Variants in GABBR2 observed in about 807,000 individuals in gnomAD.
The protein encoded by GABBR2 is gamma-aminobutyric acid type B receptor subunit 2.
A neutral mutation model predicts 105.6 loss-of-function variants in GABBR2; 23 were observed. The ratio of observed to expected loss-of-function variants is 0.22; its 90% CI spans 0.16 to 0.31. The LOEUF is 0.31. GABBR2 is among the 10% of genes least tolerant of loss of function. GABBR2 has a pLI of 1.00. For missense variants in GABBR2, 734 were observed against 1,245.5 expected (o/e 0.59, Z 6.18); for synonymous variants, 478 against 499.7 (o/e 0.96, Z 0.58).
chr9:98,388,835 G>A lies in GABBR2; in HGVS notation c.1529+19C>T, dbSNP rs757422808. 3.7e-6 allele frequency: 6 copies of A among 1,603,026 alleles called. No homozygotes were observed. In the Admixed American group the frequency reaches 1.0e-4, roughly 27 times the overall value. ...CAATTTAGAAAGTGATATCACAGAG[G>A]AGGACCAGGGTGGCTTACTTCTGAT... On this transcript the variant is annotated intron_variant, in intron 10 of 18. Coordinates refer to ENST00000259455, the MANE Select transcript of GABBR2 (RefSeq NM_005458.8). The surrounding 1 kb of genome is among the most constrained non-coding windows in gnomAD (Gnocchi z 4.4).
chr9:98,439,583 G>C (rs556515544), intron 7 of GABBR2, among the ~76,000 whole-genome samples: 20 of 152,312 alleles, frequency 1.3e-4, no homozygotes, highest in Middle Eastern at 3.4e-3. Flanking sequence ...TATACATGAT[G>C]AATATGAATA....
At chr9:98,407,677 GC>G (rs1229656891) in intron 7 of GABBR2, among the ~76,000 whole-genome samples, 1 of 152,050 alleles carries the variant, frequency 6.6e-6, no homozygotes, top group Non-Finnish European at 1.5e-5. Flanking sequence ...CCAATCTTCT[GC>G]CAAGCTTTGA....
intron 1 of GABBR2, among the ~76,000 whole-genome samples, chr9:98,593,769 G>A (rs1257562619): frequency 6.6e-6 from 1 of 152,146 alleles, no homozygotes; most frequent in Non-Finnish European, 1.5e-5. Flanking sequence ...AGATGAAGGG[G>A]GGCTGTAGGG....
chr9:98,334,931 T>G (rs1831087666), intron 13 of GABBR2, among the ~76,000 whole-genome samples: 1 of 152,150 alleles, frequency 6.6e-6, no homozygotes. Flanking sequence ...CGAGCCACCA[T>G]GAGTGCTGAG....
chr9:98,628,789 G>T (rs1829779294), intron 1 of GABBR2, among the ~76,000 whole-genome samples: 1 of 152,104 alleles, frequency 6.6e-6, no homozygotes. Flanking sequence ...GATGGAGTGT[G>T]TGTCCCCCTC....
intron 1 of GABBR2, among the ~76,000 whole-genome samples, chr9:98,680,090 A>C (rs1588280567): frequency 6.6e-6 from 1 of 152,196 alleles, no homozygotes. Flanking sequence ...CCTAGCAATG[A>C]GTGAGGGAAA....
rs1285931301 is a variant in GABBR2, at chr9:98,454,745, G to C, written c.1000-528C>G. ...CAGCAGCACAGAGGGAGCTGACAGT[G>C]TGCTGCTCAGCCCACCCCTCCCCTT... On this transcript the variant is annotated intron_variant, in intron 6 of 18. Coordinates refer to ENST00000259455, the MANE Select transcript of GABBR2 (RefSeq NM_005458.8). This position sits in a 1 kb window ranked among gnomAD's most constrained non-coding sequence, Gnocchi z 4.6. Among the ~76,000 whole-genome samples, 3 of 152,118 alleles carry C rather than the reference G, an allele frequency of 2.0e-5. No individual in the cohort carries two copies. Among genetic ancestry groups the C allele is most frequent in the African/African-American group, 7.2e-5 (3 of 41,414 alleles).
intron 1 of GABBR2, among the ~76,000 whole-genome samples, chr9:98,650,675 A>C (rs1830091569): frequency 6.6e-6 from 1 of 152,336 alleles, no homozygotes; most frequent in Middle Eastern, 3.4e-3. Flanking sequence ...CAAGAGGGGG[A>C]GGCAACCTAC....
At position 98,299,847 on chromosome 9, in the gene GABBR2, A is replaced by T. The variant is rs1344614920; in HGVS notation, c.2413-494T>A. 3.3e-5 allele frequency among the ~76,000 whole-genome samples: 5 copies of T among 152,260 alleles called. No homozygotes were observed. In the East Asian group the frequency reaches 9.6e-4, roughly 29 times the overall value. On this transcript the variant is annotated intron_variant, in intron 16 of 18. Transcript: ENST00000259455. ...TTTAGCCCAGTGTCTGAAACATAATAAGGGCAACTTGCTACTATAATAATA... is the reference window on the plus strand; with the variant it reads ...TTTAGCCCAGTGTCTGAAACATAATTAGGGCAACTTGCTACTATAATAATA...
At chr9:98,560,965 T>C (rs570289450) in intron 2 of GABBR2, among the ~76,000 whole-genome samples, 61 of 152,064 alleles carry the variant, frequency 4.0e-4, no homozygotes, top group African/African-American at 1.4e-3. Context: ...ATCACAGTTA[T>C]GAAAACGAAC....
intron 16 of GABBR2, among the ~76,000 whole-genome samples, chr9:98,300,777 T>C (rs1830456338): frequency 6.6e-6 from 1 of 152,188 alleles, no homozygotes; most frequent in South Asian, 2.1e-4. Flanking sequence ...AAGACCTTTA[T>C]CACAGAGAGA....
intron 1 of GABBR2, chr9:98,607,582 A>G (rs1829446662): frequency 1.5e-6 from 1 of 680,418 alleles, no homozygotes; most frequent in Non-Finnish European, 2.6e-6. Flanking sequence ...TAGTAATACT[A>G]TCATCAAAGT....
Position 98,609,136 on chromosome 9 carries a change from A to G in GABBR2, c.322-31064T>C, listed in dbSNP as rs184589880. Among the ~76,000 whole-genome samples the G allele has an allele frequency of 4.6e-5, 7 of 152,368 alleles. No individual in the cohort carries two copies. In the East Asian group the frequency reaches 1.3e-3, roughly 29 times the overall value. On this transcript the variant is annotated intron_variant, in intron 1 of 18. Transcript: ENST00000259455. ...AATTCACATAATAAACGATGTTGTG[A>G]TATAAAAAAATGTACAAACAACATG...
chr9:98,529,963 T>C (rs1421956904), intron 3 of GABBR2, among the ~76,000 whole-genome samples: 1 of 152,224 alleles, frequency 6.6e-6, no homozygotes, highest in East Asian at 1.9e-4. Context: ...TGCTGTTTCC[T>C]GAAGGTTCCA....
chr9:98,468,885 C>T (rs115988291), intron 6 of GABBR2, among the ~76,000 whole-genome samples: 14 of 152,192 alleles, frequency 9.2e-5, no homozygotes, highest in African/African-American at 2.2e-4. Flanking sequence ...TCCCTAAGCA[C>T]GTCACAGGTC....
chr9:98,370,118 C>T (rs1176497709), intron 12 of GABBR2, among the ~76,000 whole-genome samples: 1 of 152,046 alleles, frequency 6.6e-6, no homozygotes, highest in Admixed American at 6.5e-5. Flanking sequence ...AACCTTCAGT[C>T]CTTGAGTTTG....
intron 3 of GABBR2, among the ~76,000 whole-genome samples, chr9:98,513,518 G>C (rs1827696574): frequency 6.6e-6 from 1 of 150,806 alleles, no homozygotes; most frequent in African/African-American, 2.4e-5. Context: ...CTGACAAAGG[G>C]TTAATATCCA....
chr9:98,485,210 T>C (rs908906465), intron 4 of GABBR2, among the ~76,000 whole-genome samples: 1 of 152,054 alleles, frequency 6.6e-6, no homozygotes, highest in Non-Finnish European at 1.5e-5. Context: ...AGACCATACA[T>C]GGAGACCTAT....
At chr9:98,609,240 C>G (rs1464319585) in intron 1 of GABBR2, among the ~76,000 whole-genome samples, 1 of 152,118 alleles carries the variant, frequency 6.6e-6, no homozygotes, top group African/African-American at 2.4e-5. Context: ...GACTGGCATC[C>G]CAGACAGCCT....
Sources: gnomAD v4.1 joint callset for allele counts (sites outside exome capture counted in the v4.1 genomes callset) on GRCh38, gnomAD v4.1.1 for gene constraint, Gnocchi (gnomAD v3.1) non-coding constraint, MANE v1.5 for transcripts, NCBI Gene and HGNC (gene_info 2026-07-23, HGNC 2026-07-21) for gene names.